TENM4: variants seen among roughly 807,000 people sequenced by gnomAD.
TENM4 encodes the protein teneurin-4.
A neutral mutation model predicts 243.3 loss-of-function variants in TENM4; 82 were observed. That is an observed-to-expected ratio of 0.34 (90% CI 0.28 to 0.40). The LOEUF is 0.40. Among genes scored for constraint, TENM4 ranks in the 10% least tolerant of loss-of-function variants. The pLI is 1.00. For synonymous variants in TENM4, 1,412 were observed against 1,456.3 expected (o/e 0.97, Z 0.69); for missense variants, 3,138 against 3,673.3 (o/e 0.85, Z 3.77).
intron 2 of TENM4, among the ~76,000 whole-genome samples, chr11:79,232,344 T>C (rs144937507): frequency 0.043 from 6,542 of 152,310 alleles, 217 homozygotes; most frequent in Non-Finnish European, 0.064. Flanking sequence ...GAGAGCATGC[T>C]GGGGCAGAGT....
intron 12 of TENM4, among the ~76,000 whole-genome samples, chr11:78,847,257 C>T (rs1008476484): frequency 6.6e-6 from 1 of 152,170 alleles, no homozygotes; most frequent in Non-Finnish European, 1.5e-5. Flanking sequence ...AAAGACAAGC[C>T]TTTATTGCTT....
intron 12 of TENM4, among the ~76,000 whole-genome samples, chr11:78,818,504 C>A (rs1857656959): frequency 6.6e-6 from 1 of 152,098 alleles, no homozygotes; most frequent in African/African-American, 2.4e-5. Flanking sequence ...TTTAAGATAG[C>A]AACAAGGAAA....
At chr11:78,849,278 T>C (rs1442606108) in intron 12 of TENM4, among the ~76,000 whole-genome samples, 2 of 152,250 alleles carry the variant, frequency 1.3e-5, no homozygotes, top group East Asian at 1.9e-4. Flanking sequence ...TCTTAATGAC[T>C]TCTCAAGAAA....
At chr11:78,804,118 CTTTG>C (rs1454361904) in intron 15 of TENM4, among the ~76,000 whole-genome samples, 1 of 152,212 alleles carries the variant, frequency 6.6e-6, no homozygotes, top group African/African-American at 2.4e-5. Context: ...CTGATACTCA[CTTTG>C]TTTAAACAGC....
chr11:79,379,793 G>A (rs1857964803), intron 1 of TENM4, among the ~76,000 whole-genome samples: 1 of 152,170 alleles, frequency 6.6e-6, no homozygotes, highest in Admixed American at 6.5e-5. Flanking sequence ...GAACAGGCCT[G>A]GACAATGGAT....
chr11:78,868,937 T>C (rs1332424272), intron 9 of TENM4, among the ~76,000 whole-genome samples: 1 of 152,156 alleles, frequency 6.6e-6, no homozygotes, highest in Non-Finnish European at 1.5e-5. Context: ...TAAATGACTA[T>C]TTCTATGAAA....
chr11:79,322,809 C>A (rs1370520860), intron 1 of TENM4, among the ~76,000 whole-genome samples: 2 of 152,182 alleles, frequency 1.3e-5, no homozygotes, highest in East Asian at 1.9e-4. Context: ...AAAAATAAAT[C>A]AACTTCTCTG....
At chr11:79,106,858 G>C (rs1861382921) in intron 4 of TENM4, among the ~76,000 whole-genome samples, 1 of 152,216 alleles carries the variant, frequency 6.6e-6, no homozygotes, top group Admixed American at 6.5e-5. Flanking sequence ...AATGTAAGTA[G>C]ATTAGAGATG....
At chr11:79,406,423 T>G (rs1356488354) in intron 1 of TENM4, among the ~76,000 whole-genome samples, 1 of 152,262 alleles carries the variant, frequency 6.6e-6, no homozygotes, top group African/African-American at 2.4e-5. Flanking sequence ...TCATCCAAAC[T>G]CAGGTCTCTG....
chr11:78,828,326 G>A (rs1358650822), intron 12 of TENM4, among the ~76,000 whole-genome samples: 1 of 152,146 alleles, frequency 6.6e-6, no homozygotes, highest in Admixed American at 6.5e-5. Flanking sequence ...CACTAACCAT[G>A]TATTTGGGGG....
At position 79,382,942 on chromosome 11, in the gene TENM4, C is replaced by T. The variant is rs1022818627; in HGVS notation, c.-321+57567G>A. 2.6e-5 allele frequency among the ~76,000 whole-genome samples: 4 copies of T among 152,250 alleles called. No individual in the cohort carries two copies. The South Asian group carries it at 8.3e-4, about 32-fold the overall frequency. On this transcript the variant is annotated intron_variant, in intron 1 of 33. Coordinates refer to ENST00000278550, the MANE Select transcript of TENM4 (RefSeq NM_001098816.3). ...AATTACTTCCCTGAAGCACACAGCC[C>T]CCAGGGGCTGCGAGCAGGCACGCTC... is the stretch of plus-strand genomic sequence containing the variant.
At chr11:79,344,398 G>A (rs954019323) in intron 1 of TENM4, among the ~76,000 whole-genome samples, 2 of 152,130 alleles carry the variant, frequency 1.3e-5, no homozygotes, top group Non-Finnish European at 2.9e-5. Context: ...CTCGCTACTC[G>A]GGCAGAGAGG....
intron 1 of TENM4, among the ~76,000 whole-genome samples, chr11:79,359,148 C>T (rs1320660965): frequency 6.6e-6 from 1 of 152,038 alleles, no homozygotes; most frequent in Non-Finnish European, 1.5e-5. Context: ...TACCTGTAGT[C>T]CTAGCTACTT....
At chr11:79,224,509 A>G (rs549432883) in intron 2 of TENM4, among the ~76,000 whole-genome samples, 3 of 152,308 alleles carry the variant, frequency 2.0e-5, no homozygotes, top group East Asian at 1.9e-4. Flanking sequence ...GTTGAATTGT[A>G]TCCTCAAAAA....
At chr11:79,391,612 T>C (rs866211526) in intron 1 of TENM4, among the ~76,000 whole-genome samples, 1 of 152,210 alleles carries the variant, frequency 6.6e-6, no homozygotes. Context: ...TTATAACTCA[T>C]TGGGTGAAAA....
intron 28 of TENM4, among the ~76,000 whole-genome samples, chr11:78,700,065 C>T (rs527265254): frequency 1.2e-4 from 18 of 152,300 alleles, no homozygotes; most frequent in African/African-American, 2.9e-4. Flanking sequence ...TTGTACAAAT[C>T]GCTGTGACAT....
chr11:79,180,756 A>C (rs1325300926), intron 3 of TENM4, among the ~76,000 whole-genome samples: 1 of 151,528 alleles, frequency 6.6e-6, no homozygotes, highest in East Asian at 1.9e-4. Context: ...AGGCAGGAGG[A>C]TCCCTTGAGC....
rs543424510 is a variant in TENM4 at position 78,942,160 on chromosome 11, C to T, written c.494-38637G>A. 6.7e-3 allele frequency among the ~76,000 whole-genome samples: 979 copies of T among 145,480 alleles called. 7 individuals carry two copies. The highest frequency in any genetic ancestry group is 0.011 in the Non-Finnish European group (761 of 66,816). On this transcript the variant is annotated intron_variant, in intron 6 of 33. Transcript: ENST00000278550. ...GGGTGTGGTGGCTCATGCCTGTAAT[C>T]CCAGCACTTTGGGAGGCCAAGTTGG...
intron 6 of TENM4, among the ~76,000 whole-genome samples, chr11:78,964,036 C>CTTT (rs1002218964): frequency 1.8e-5 from 2 of 109,398 alleles, no homozygotes; most frequent in African/African-American, 7.3e-5. Flanking sequence ...CACACCCAGA[C>CTTT]TTTTTTTTTT....
Sources: allele counts gnomAD v4.1 joint callset (sites outside exome capture counted in the v4.1 genomes callset), GRCh38; gene constraint gnomAD v4.1.1; transcripts MANE v1.5; gene names NCBI Gene and HGNC (gene_info 2026-07-23, HGNC 2026-07-21).